Variants in OSBPL6 observed in about 807,000 individuals in gnomAD.
OSBPL6 encodes the protein oxysterol-binding protein-related protein 6.
Under a neutral mutation model 125.8 loss-of-function variants are expected in OSBPL6, and 49 were observed. That is an observed-to-expected ratio of 0.39 (90% CI 0.31 to 0.49). The LOEUF is 0.49. Ranked by LOEUF, OSBPL6 falls within the 20% of genes least tolerant of loss-of-function variation. The probability of loss-of-function intolerance (pLI) is 0.88; values close to 1 mark genes in which losing one functional copy is unlikely to be tolerated. For missense variants in OSBPL6, 986 were observed against 1,135.4 expected, an observed-to-expected ratio of 0.87 and a Z score of 1.89; for synonymous variants, 394 against 391.8, an observed-to-expected ratio of 1.01 and a Z score of -0.07.
chr2:178,255,979 G>T (rs762158689), intron 1 of OSBPL6, among the ~76,000 whole-genome samples: 1 of 152,200 alleles, frequency 6.6e-6, no homozygotes, highest in Non-Finnish European at 1.5e-5. Context: ...TGATTTCTGT[G>T]CTGGGGGGTT....
rs142239629 is a variant in OSBPL6, at chr2:178,255,794, C to A, written c.-350-29133C>A. The stretch of plus-strand genomic sequence containing the variant: ...TCAATTCCAAATCCTGGAGAGCTTC[C>A]TTTCCAGCTCACTGTTCTCATTCAG... On this transcript the variant is annotated intron_variant, in intron 1 of 24. Transcript: ENST00000190611. Among the ~76,000 whole-genome samples, 689 of 152,322 alleles carry A rather than the reference C, an allele frequency of 4.5e-3. 9 individuals carry two copies. The highest frequency in any genetic ancestry group is 0.016 in the African/African-American group (658 of 41,566).
In OSBPL6 at chr2:178,257,224, GA is replaced by G. The variant is rs201297651; in HGVS notation, c.-350-27701del. Among the ~76,000 whole-genome samples, 1,042 of 152,236 alleles carry G rather than the reference GA, an allele frequency of 6.8e-3. 10 individuals are homozygous for G. The highest frequency in any genetic ancestry group is 0.024 in the African/African-American group (987 of 41,528). On this transcript the variant is annotated intron_variant, in intron 1 of 24. Coordinates refer to ENST00000190611, the MANE Select transcript of OSBPL6 (RefSeq NM_032523.4). ...ATGGTTGATTCTCAACTATAAACATGAATTATCCAGATCATTTAAAATATTA... is the reference window on the plus strand; with the variant it reads ...ATGGTTGATTCTCAACTATAAACATGATTATCCAGATCATTTAAAATATTA...
At chr2:178,265,191 CTT>C (rs376718500) in intron 1 of OSBPL6, among the ~76,000 whole-genome samples, 40 of 33,674 alleles carry the variant, frequency 1.2e-3, no homozygotes, top group African/African-American at 2.0e-3. Context: ...CCAGACGAGA[CTT>C]TTTTTTTTTT....
intron 13 of OSBPL6, among the ~76,000 whole-genome samples, chr2:178,363,403 G>T (rs562156071): frequency 2.0e-5 from 3 of 152,274 alleles, no homozygotes; most frequent in African/African-American, 7.2e-5. Flanking sequence ...GAACACCAAG[G>T]TTAAAGTAGC....
At chr2:178,332,828 G>GA in intron 7 of OSBPL6, 43 bp from the exon 8 acceptor site, 1 of 1,608,746 alleles carries the variant, frequency 6.2e-7, no homozygotes, top group Non-Finnish European at 8.5e-7. Context: ...GTAGGCAGGA[G>GA]AGTTATTTTA....
rs562750141 is a variant in OSBPL6, at chr2:178,298,703, T to G, written c.-155-7327T>G. Among the ~76,000 whole-genome samples, 237 of 147,328 alleles carry G rather than the reference T, an allele frequency of 1.6e-3. 1 individual carries two copies. Among genetic ancestry groups the G allele is most frequent in the Middle Eastern group, 0.01 (3 of 288 alleles). On this transcript the variant is annotated intron_variant, in intron 2 of 24. Coordinates refer to ENST00000190611, the MANE Select transcript of OSBPL6 (RefSeq NM_032523.4). ...CAGCCTATTTTTAGTTGCTTTTTTT[T>G]TTGTTTTTTTTTTTTTGCCGTACTG...
intron 1 of OSBPL6, among the ~76,000 whole-genome samples, chr2:178,210,514 A>T (rs1437296151): frequency 6.6e-6 from 1 of 152,124 alleles, no homozygotes; most frequent in Non-Finnish European, 1.5e-5. Context: ...GGACATAAAA[A>T]TGACTCTTCT....
intron 1 of OSBPL6, among the ~76,000 whole-genome samples, chr2:178,219,242 C>A (rs1410776587): frequency 1.3e-5 from 2 of 152,188 alleles, no homozygotes; most frequent in Admixed American, 6.5e-5. Context: ...TTGCTTGCAT[C>A]ATCTATATTC....
In OSBPL6 at chr2:178,338,347, T is replaced by A. The variant is rs1262930845; in HGVS notation, c.791-644T>A. On this transcript the variant is annotated intron_variant, in intron 9 of 24. Transcript: ENST00000190611. ...CTCTTGTACTAAATAAACCAAAAAA[T>A]TTAAAAGAAAACTAAATGTCATTTC... 3.3e-5 allele frequency among the ~76,000 whole-genome samples: 5 copies of A among 152,130 alleles called. No homozygotes were observed. In the East Asian group the frequency reaches 5.8e-4, roughly 18 times the overall value.
intron 1 of OSBPL6, among the ~76,000 whole-genome samples, chr2:178,238,368 T>C (rs911796663): frequency 3.3e-5 from 5 of 152,182 alleles, no homozygotes; most frequent in African/African-American, 1.2e-4. Context: ...AGTGATCAGA[T>C]GGTCATGGTA....
rs557733198 is a variant in OSBPL6 at position 178,306,096 on chromosome 2, A to G, written c.-89A>G. 6.0e-6 allele frequency: 5 copies of G among 834,862 alleles called. No homozygotes were observed. The highest frequency in any genetic ancestry group is 1.0e-5 in the Non-Finnish European group (5 of 496,980). 51.7% of individuals were successfully genotyped at this position (834,862 alleles called of 1,614,324 possible). A position where few individuals can be genotyped will look rare whatever the true frequency, so the allele number is the denominator to read the frequency against. On this transcript the variant is annotated 5_prime_UTR_variant, in exon 3 of 25. Coordinates refer to ENST00000190611, the MANE Select transcript of OSBPL6 (RefSeq NM_032523.4). ...AAACCTGATTCATGAAATGGAATGA[A>G]GCTGAAAAATCATCTACTTCTTTGT...
rs192027730 is a variant in OSBPL6, at chr2:178,217,009, A to G, written c.-351+22335A>G. On this transcript the variant is annotated intron_variant, in intron 1 of 24. Transcript: ENST00000190611. ...AAGAGCCACTGTTGGGACGAGCTGA[A>G]TGGCATTTGTGAATTTAGATAGTAA... 3.9e-5 allele frequency among the ~76,000 whole-genome samples: 6 copies of G among 152,344 alleles called. No homozygotes were observed. The East Asian group carries it at 1.2e-3, about 29-fold the overall frequency.
intron 11 of OSBPL6, among the ~76,000 whole-genome samples, chr2:178,343,275 A>C (rs1190221320): frequency 2.0e-5 from 3 of 152,086 alleles, no homozygotes; most frequent in Non-Finnish European, 2.9e-5. Flanking sequence ...TAATCCCAGC[A>C]TGTCAGGAAG....
At chr2:178,368,638 T>A (rs1204018301) in intron 13 of OSBPL6, among the ~76,000 whole-genome samples, 1 of 152,084 alleles carries the variant, frequency 6.6e-6, no homozygotes, top group African/African-American at 2.4e-5. Context: ...AGTGTAATTC[T>A]TTACCAGTAG....
chr2:178,280,769 T>C (rs1684082939), intron 1 of OSBPL6, among the ~76,000 whole-genome samples: 3 of 152,210 alleles, frequency 2.0e-5, no homozygotes, highest in Admixed American at 2.0e-4. Flanking sequence ...TTTTGAGAAG[T>C]GTCTATTCAT....
At chr2:178,216,677 A>G (rs941410002) in intron 1 of OSBPL6, among the ~76,000 whole-genome samples, 2 of 152,196 alleles carry the variant, frequency 1.3e-5, no homozygotes, top group African/African-American at 4.8e-5. Flanking sequence ...GGAACAGGAT[A>G]TTGGCATAGT....
chr2:178,284,963 T>C lies in OSBPL6; in HGVS notation c.-314T>C, dbSNP rs752446193. 15 of 398,334 alleles carry C rather than the reference T, an allele frequency of 3.8e-5. No individual in the cohort carries two copies. Among genetic ancestry groups the C allele is most frequent in the Non-Finnish European group, 5.3e-5 (12 of 225,954 alleles). The allele number at this position is 398,334 out of a possible 1,614,324, so 24.7% of individuals were successfully genotyped here. A position where few individuals can be genotyped will look rare whatever the true frequency, so the allele number is the denominator to read the frequency against. On this transcript the variant is annotated 5_prime_UTR_variant, in exon 2 of 25. Coordinates refer to ENST00000190611, the MANE Select transcript of OSBPL6 (RefSeq NM_032523.4). ...TGCTGGGAAAACAGCAACAGAAGGA[T>C]ATTAAGGAGCCACCCCTATAATTTA...
At chr2:178,328,513 A>T (rs1179130747) in intron 5 of OSBPL6, 135 bp downstream of exon 5, 7 of 1,046,732 alleles carry the variant, frequency 6.7e-6, no homozygotes, top group Non-Finnish European at 9.3e-6. Context: ...TTTGAGACAG[A>T]TTCTCACTCT....
chr2:178,315,399 T>C (rs184009226), intron 3 of OSBPL6, among the ~76,000 whole-genome samples: 1 of 152,356 alleles, frequency 6.6e-6, no homozygotes, highest in East Asian at 1.9e-4. Flanking sequence ...AGTTTGTGTG[T>C]GTGTAGCTTT....
Sources: gnomAD v4.1 joint callset for allele counts (sites outside exome capture counted in the v4.1 genomes callset) on GRCh38, gnomAD v4.1.1 for gene constraint, MANE v1.5 for transcripts, NCBI Gene and HGNC (gene_info 2026-07-23, HGNC 2026-07-21) for gene names.